The following ORC1 variants were observed in gnomAD, a reference collection of about 807,000 sequenced individuals.
The protein encoded by ORC1 is origin recognition complex subunit 1.
In ORC1, 61 loss-of-function variants were observed where a neutral mutation model predicts 98.9. The ratio of observed to expected loss-of-function variants is 0.62; its 90% CI spans 0.50 to 0.76. The LOEUF (loss-of-function observed/expected upper bound fraction) is 0.76, where lower values mean the gene tolerates loss of function less well. Ranked by LOEUF, ORC1 falls within the 30% of genes least tolerant of loss-of-function variation. The probability of loss-of-function intolerance (pLI) is 0.00; values close to 1 mark genes in which losing one functional copy is unlikely to be tolerated. For missense variants in ORC1, 979 were observed against 1,072.2 expected, an observed-to-expected ratio of 0.91 and a Z score of 1.21; for synonymous variants, 385 against 406.9, an observed-to-expected ratio of 0.95 and a Z score of 0.65.
upstream of ORC1, chr1:52,408,860 A>G (rs970365658): frequency 4.8e-5 from 35 of 725,254 alleles, 2 homozygotes; most frequent in South Asian, 6.3e-4. Context: ...CAGTCTGACT[A>G]CTAGCTTCGT....
At chr1:52,405,873 T>C, upstream of ORC1, 1 of 1,598,160 alleles carries the variant, frequency 6.3e-7, no homozygotes, top group Non-Finnish European at 8.6e-7. Flanking sequence ...ATATAAGAGG[T>C]TTAATTTTGG....
chr1:52,375,823 G>T (rs897369566), intron 14 of ORC1, among the ~76,000 whole-genome samples: 1 of 151,746 alleles, frequency 6.6e-6, no homozygotes, highest in African/African-American at 2.4e-5. Context: ...GGACAACACA[G>T]AAATTCTCAG....
At chr1:52,393,032 C>T (rs987993477) in intron 6 of ORC1, among the ~76,000 whole-genome samples, 2 of 152,188 alleles carry the variant, frequency 1.3e-5, no homozygotes, top group East Asian at 1.9e-4. Flanking sequence ...CGAAGACCAC[C>T]TGTTCCCCAA....
chr1:52,384,068 A>C (rs906639644), intron 11 of ORC1, 131 bp from the exon 12 acceptor site: 1 of 738,126 alleles, frequency 1.4e-6, no homozygotes, highest in East Asian at 2.6e-5. Context: ...CTCCCAATCT[A>C]GTCTTAACCT....
At chr1:52,394,611 A>C (rs1033970447) in intron 5 of ORC1, among the ~76,000 whole-genome samples, 5 of 152,052 alleles carry the variant, frequency 3.3e-5, no homozygotes, top group African/African-American at 1.2e-4. Flanking sequence ...GGGACATATG[A>C]GGACCTAAAG....
At chr1:52,404,492 T>C (rs1456141925), upstream of ORC1, 2 of 353,518 alleles carry the variant, frequency 5.7e-6, no homozygotes, top group Non-Finnish European at 1.0e-5. Flanking sequence ...CGACACCAAC[T>C]AGCTCGCCCC....
intron 14 of ORC1, among the ~76,000 whole-genome samples, chr1:52,377,295 GA>G (rs916608454): frequency 2.0e-5 from 3 of 150,658 alleles, no homozygotes; most frequent in African/African-American, 7.3e-5. Context: ...TTTTGTTTGA[GA>G]GAGGGTCTTG....
chr1:52,401,197 G>A (rs1647687584), intron 3 of ORC1, among the ~76,000 whole-genome samples, 165 bp downstream of exon 3: 1 of 152,092 alleles, frequency 6.6e-6, no homozygotes, highest in African/African-American at 2.4e-5. Flanking sequence ...CTGCTTTGGT[G>A]AGTAAAGAAA....
At chr1:52,406,955 A>G (rs139998744), upstream of ORC1, among the ~76,000 whole-genome samples, 6 of 152,350 alleles carry the variant, frequency 3.9e-5, no homozygotes, top group East Asian at 7.7e-4. Context: ...ATGACTTTCA[A>G]AAGCCTCCTA....
rs1218943484 is a variant in ORC1 at position 52,388,551 on chromosome 1, T to C, written c.1274A>G (p.Glu425Gly). ...EISDSSSDEE[E>G]ASTPPLPRRA... is the part of the protein sequence containing the mutation. The stretch of plus-strand genomic sequence containing the variant: ...CCTTGGAAGGGGCGGTGTGGAAGCC[T>C]CTTCTTCGTCACTGCTAGAGTCTGA... Residue 425 changes from glutamate (E) to glycine (G), a missense_variant, in exon 8 of 17, where the codon GAG becomes GGG. Coordinates refer to ENST00000371568, the MANE Select transcript of ORC1 (RefSeq NM_004153.4). The C allele has an allele frequency of 1.2e-6, 2 of 1,613,978 alleles. No homozygotes were observed.
At chr1:52,405,590 A>G (rs144617120), upstream of ORC1, 229 of 1,178,936 alleles carry the variant, frequency 1.9e-4, 2 homozygotes, top group African/African-American at 2.7e-3. Flanking sequence ...CTGTTGATGT[A>G]TATTTAGGAG....
chr1:52,397,356 G>A (rs948312073), intron 4 of ORC1, among the ~76,000 whole-genome samples: 1 of 152,112 alleles, frequency 6.6e-6, no homozygotes, highest in African/African-American at 2.4e-5. Flanking sequence ...TGCAGTCCTC[G>A]TTTAAGCCAG....
chr1:52,397,362 G>A (rs1489484566), intron 4 of ORC1, among the ~76,000 whole-genome samples: 1 of 152,196 alleles, frequency 6.6e-6, no homozygotes, highest in African/African-American at 2.4e-5. Context: ...CCTCGTTTAA[G>A]CCAGCATATT....
chr1:52,375,568 C>T lies in ORC1; in HGVS notation c.2165G>A (p.Cys722Tyr). ...TGTGGCACGCCTGCAGATGTCCAGG[C>T]ACCGTCGTGCATCTCCAGACAGTGC... Reference protein sequence around the residue: ...VAALSGDARRCLDICRRATEI... With the variant: ...VAALSGDARRYLDICRRATEI... Residue 722 changes from cysteine to tyrosine, a missense_variant, in exon 15 of 17, where the codon TGC becomes TAC. Physicochemically the swap from Cys to Tyr is radical, Grantham distance 194. Coordinates refer to ENST00000371568, the MANE Select transcript of ORC1 (RefSeq NM_004153.4). The T allele has an allele frequency of 3.1e-6, 5 of 1,614,092 alleles. No individual in the cohort carries two copies. The highest frequency in any genetic ancestry group is 4.2e-6 in the Non-Finnish European group (5 of 1,180,016).
intron 11 of ORC1, 141 bp downstream of exon 11, chr1:52,384,409 C>T (rs1647114114): frequency 3.7e-6 from 3 of 800,040 alleles, no homozygotes; most frequent in Non-Finnish European, 6.5e-6. Context: ...TTCTGTCTTC[C>T]TTGCCCTTGC....
intron 3 of ORC1, among the ~76,000 whole-genome samples, chr1:52,400,835 T>G (rs1412444803): frequency 1.3e-5 from 2 of 152,218 alleles, no homozygotes; most frequent in Non-Finnish European, 2.9e-5. Context: ...CTCTGGTAAA[T>G]GTCACCTTTT....
At chr1:52,404,645 T>C (rs1315659762), upstream of ORC1, 5 of 1,309,814 alleles carry the variant, frequency 3.8e-6, no homozygotes, top group Middle Eastern at 2.6e-4. Context: ...CTAAGCTGTT[T>C]AGTGAAACTT....
chr1:52,404,630 G>C, upstream of ORC1: 1 of 1,128,010 alleles, frequency 8.9e-7, no homozygotes, highest in Non-Finnish European at 1.3e-6. Flanking sequence ...CTTCAAGATG[G>C]TCGCCTAAGC....
intron 6 of ORC1, among the ~76,000 whole-genome samples, chr1:52,393,077 T>C (rs1647257639): frequency 6.6e-6 from 1 of 152,042 alleles, no homozygotes; most frequent in South Asian, 2.1e-4. Flanking sequence ...ACAACAACAA[T>C]GAAAAACTGC....
Sources: allele counts gnomAD v4.1 joint callset (sites outside exome capture counted in the v4.1 genomes callset), GRCh38; gene constraint gnomAD v4.1.1; transcripts MANE v1.5; gene names NCBI Gene and HGNC (gene_info 2026-07-23, HGNC 2026-07-21).